Variants in AHI1 observed in about 807,000 individuals in gnomAD.
The protein encoded by AHI1 is Abelson helper integration site 1.
In AHI1, 123 loss-of-function variants were observed where a neutral mutation model predicts 149.3. The ratio of observed to expected loss-of-function variants is 0.82; its 90% CI spans 0.71 to 0.96. The LOEUF is 0.96. AHI1 is among the 40% of genes least tolerant of loss of function. The probability of loss-of-function intolerance (pLI) is 0.00; values close to 1 mark genes in which losing one functional copy is unlikely to be tolerated. For missense variants in AHI1, 1,439 were observed against 1,422.7 expected (o/e 1.01, Z -0.18); for synonymous variants, 475 against 459.8 (o/e 1.03, Z -0.42).
intron 27 of AHI1, among the ~76,000 whole-genome samples, chr6:135,290,943 A>ACACACACACAC (rs1782283740): frequency 3.3e-5 from 4 of 119,582 alleles, no homozygotes; most frequent in African/African-American, 1.7e-4. Flanking sequence ...CACACACACA[A>ACACACACACAC]AAGTATAGGA....
At chr6:135,361,594 T>C (rs1166213067) in intron 23 of AHI1, among the ~76,000 whole-genome samples, 4 of 151,744 alleles carry the variant, frequency 2.6e-5, no homozygotes, top group African/African-American at 9.7e-5. Context: ...CCCCTCTGGC[T>C]GCTTTTGTAA....
chr6:135,453,379 C>A lies in AHI1; in HGVS notation c.1402G>T (p.Glu468Ter). The stretch of plus-strand genomic sequence containing the variant: ...CAGGCAATTTTCCGAAAGCCACATT[C>A]TTGGTTTTGAACCTCAGAATTATTC... ...IKNNSEVQNQ[E>*]CGFRKIAWAF... Residue 468 changes from glutamate (E) to a stop codon, truncating the protein, a stop_gained, in exon 11 of 29, where the codon GAA (glutamate) becomes TAA (stop). Coordinates refer to ENST00000265602, the MANE Select transcript of AHI1 (RefSeq NM_001134831.2). LOFTEE classifies it high-confidence loss of function. The A allele has an allele frequency of 6.4e-7, 1 of 1,562,446 alleles. No individual in the cohort carries two copies. Among genetic ancestry groups the A allele is most frequent in the South Asian group, 1.2e-5 (1 of 84,732 alleles).
chr6:135,423,477 G>A (rs560178227), intron 20 of AHI1, among the ~76,000 whole-genome samples: 64 of 152,234 alleles, frequency 4.2e-4, no homozygotes, highest in Non-Finnish European at 4.9e-4. Context: ...CTCTGGTAAA[G>A]TGTGCCACAA....
chr6:135,422,655 G>GTATGTATA (rs1356350034), intron 20 of AHI1, among the ~76,000 whole-genome samples: 4 of 134,280 alleles, frequency 3.0e-5, no homozygotes, highest in Non-Finnish European at 6.5e-5. Context: ...ATGTATGTAT[G>GTATGTATA]TATACATGTA....
intron 5 of AHI1, among the ~76,000 whole-genome samples, chr6:135,472,324 CA>C (rs1791882779): frequency 6.6e-6 from 1 of 152,158 alleles, no homozygotes; most frequent in Non-Finnish European, 1.5e-5. Context: ...TCATTCAGCA[CA>C]AAGCTTTTAG....
intron 25 of AHI1, among the ~76,000 whole-genome samples, chr6:135,319,805 A>G (rs550084050): frequency 2.6e-5 from 4 of 152,288 alleles, no homozygotes; most frequent in South Asian, 4.1e-4. Flanking sequence ...GGTTTATCTC[A>G]TATTTTGAGG....
intron 22 of AHI1, among the ~76,000 whole-genome samples, chr6:135,404,234 T>C (rs1780430415): frequency 6.6e-6 from 1 of 152,190 alleles, no homozygotes; most frequent in South Asian, 2.1e-4. Flanking sequence ...CAACTCCTTA[T>C]TTTCCCAACA....
At chr6:135,364,350 C>T (rs980084106) in intron 23 of AHI1, among the ~76,000 whole-genome samples, 23 of 150,752 alleles carry the variant, frequency 1.5e-4, no homozygotes, top group African/African-American at 4.7e-4. Context: ...CGGGAAGAGG[C>T]GCTCCTCACT....
chr6:135,478,076 C>T (rs1583443255), intron 5 of AHI1, among the ~76,000 whole-genome samples: 1 of 152,172 alleles, frequency 6.6e-6, no homozygotes, highest in African/African-American at 2.4e-5. Context: ...GCTGGGATTA[C>T]AGGCATGAGC....
chr6:135,290,144 T>C (rs1353144437), intron 28 of AHI1, among the ~76,000 whole-genome samples: 2 of 152,176 alleles, frequency 1.3e-5, no homozygotes, highest in African/African-American at 2.4e-5. Context: ...ACTGCCTAGC[T>C]TTTTCTTTCC....
chr6:135,354,102 C>T (rs1033384143), intron 24 of AHI1, among the ~76,000 whole-genome samples: 2 of 152,024 alleles, frequency 1.3e-5, no homozygotes, highest in African/African-American at 4.8e-5. Context: ...ATGTGTAGGC[C>T]TCTGTGAAAA....
intron 23 of AHI1, among the ~76,000 whole-genome samples, chr6:135,389,731 C>A (rs552776902): frequency 6.6e-6 from 1 of 152,238 alleles, no homozygotes; most frequent in Admixed American, 6.5e-5. Context: ...TAATTTAGAG[C>A]AATGCTGTGA....
rs1208938299 is a variant in AHI1, at chr6:135,497,574, T to G, written c.-202+9A>C. 1.3e-5 allele frequency: 2 copies of G among 153,654 alleles called. No homozygotes were observed. Among genetic ancestry groups the G allele is most frequent in the African/African-American group, 2.4e-5 (1 of 41,434 alleles). The allele number at this position is 153,654 out of a possible 1,614,324, so 9.5% of individuals were successfully genotyped here. Reference sequence around the variant, plus strand: ...GCTCCCGCCACCAGCGCACCCATGATGTACTCACGGAGAGGGGTACGCAGA... The same window carrying G: ...GCTCCCGCCACCAGCGCACCCATGAGGTACTCACGGAGAGGGGTACGCAGA... On this transcript the variant is annotated intron_variant, in intron 1 of 28. Coordinates refer to ENST00000265602, the MANE Select transcript of AHI1 (RefSeq NM_001134831.2).
At chr6:135,406,445 G>C (rs1268545502) in intron 21 of AHI1, among the ~76,000 whole-genome samples, 1 of 152,116 alleles carries the variant, frequency 6.6e-6, no homozygotes, top group Admixed American at 6.6e-5. Context: ...TATGTGGCTT[G>C]ATCTCTGTAA....
At chr6:135,388,092 T>G (rs1777878825) in intron 23 of AHI1, 2 of 1,577,642 alleles carry the variant, frequency 1.3e-6, no homozygotes, top group South Asian at 2.3e-5. Flanking sequence ...TGATTCTTTT[T>G]AGTACCATAA....
chr6:135,490,807 C>G, intron 4 of AHI1, 60 bp from the exon 5 acceptor site: 1 of 1,548,390 alleles, frequency 6.5e-7, no homozygotes, highest in Non-Finnish European at 8.7e-7. Flanking sequence ...ACAACCTACA[C>G]TACTAGGATG....
chr6:135,453,261 G>T, intron 11 of AHI1, 80 bp downstream of exon 11: 1 of 1,099,910 alleles, frequency 9.1e-7, no homozygotes, highest in South Asian at 1.4e-5. Flanking sequence ...CCTTATATGA[G>T]ACCAAACTGA....
At chr6:135,338,996 C>T (rs1300065480) in intron 24 of AHI1, among the ~76,000 whole-genome samples, 7 of 151,272 alleles carry the variant, frequency 4.6e-5, no homozygotes, top group East Asian at 1.9e-4. Flanking sequence ...GGTGCAATCT[C>T]GGCTCACTGC....
chr6:135,477,642 T>C (rs556057556), intron 5 of AHI1, among the ~76,000 whole-genome samples: 2 of 152,188 alleles, frequency 1.3e-5, no homozygotes, highest in South Asian at 2.1e-4. Context: ...TGAAAGTGTG[T>C]AGCACGTCCT....
Sources: allele counts gnomAD v4.1 joint callset (sites outside exome capture counted in the v4.1 genomes callset), GRCh38; gene constraint gnomAD v4.1.1; transcripts MANE v1.5; gene names NCBI Gene and HGNC (gene_info 2026-07-23, HGNC 2026-07-21).